The following PLEKHG2 variants were observed in gnomAD, a reference collection of about 807,000 sequenced individuals.
PLEKHG2 encodes pleckstrin homology and RhoGEF domain containing G2.
Under a neutral mutation model 104.4 loss-of-function variants are expected in PLEKHG2, and 71 were observed. The observed-to-expected ratio is 0.68, with a 90% confidence interval of 0.56 to 0.83. The LOEUF (loss-of-function observed/expected upper bound fraction) is 0.83, where lower values mean the gene tolerates loss of function less well. PLEKHG2 is among the 40% of genes least tolerant of loss of function. The pLI is 0.00. For missense variants in PLEKHG2, 1,730 were observed against 1,809.4 expected (o/e 0.96, Z 0.80); for synonymous variants, 728 against 737.0 (o/e 0.99, Z 0.20).
chr19:39,413,058 C>T lies in PLEKHG2; in HGVS notation c.-377C>T, dbSNP rs1305587686. On this transcript the variant is annotated 5_prime_UTR_variant, in exon 1 of 19. Coordinates refer to ENST00000425673, the MANE Select transcript of PLEKHG2 (RefSeq NM_022835.3). The surrounding 1 kb of genome is among the most constrained non-coding windows in gnomAD (Gnocchi z 4.5). ...GCCATCGCTTCAAGGGGACCCAGGACTTTGGGACCCCCCTGTGCTCCCACC... is the reference window on the plus strand; with the variant it reads ...GCCATCGCTTCAAGGGGACCCAGGATTTTGGGACCCCCCTGTGCTCCCACC... The T allele has an allele frequency of 6.6e-6, 1 of 152,216 alleles. No individual in the cohort carries two copies. The highest frequency in any genetic ancestry group is 1.5e-5 in the Non-Finnish European group (1 of 68,048). The allele number at this position is 152,216 out of a possible 1,614,324, so 9.4% of individuals were successfully genotyped here. A position where few individuals can be genotyped will look rare whatever the true frequency, so the allele number is the denominator to read the frequency against.
In PLEKHG2 at chr19:39,427,326, T is replaced by C. The variant is rs1266598206; in HGVS notation, c.*2032T>C. The C allele has an allele frequency of 1.5e-5, 2 of 137,090 alleles. No individual in the cohort carries two copies. The highest frequency in any genetic ancestry group is 5.8e-5 in the African/African-American group (2 of 34,284). The allele number at this position is 137,090 out of a possible 1,614,324, so 8.5% of individuals were successfully genotyped here. On this transcript the variant is annotated 3_prime_UTR_variant, in exon 19 of 19. Transcript: ENST00000425673. The stretch of plus-strand genomic sequence containing the variant: ...ACAGGCGTGAGCCATCATTCCTGGC[T>C]GGGAATCCGAATTTTTTTTTTTTTT...
At chr19:39,414,723 G>A (rs1301307597) in intron 2 of PLEKHG2, among the ~76,000 whole-genome samples, 1 of 152,134 alleles carries the variant, frequency 6.6e-6, no homozygotes, top group Non-Finnish European at 1.5e-5. Context: ...TACACTCACG[G>A]GAGTAATACA....
At position 39,424,787 on chromosome 19, in the gene PLEKHG2, A is replaced by G; in HGVS notation, c.3654A>G (p.Gly1218=). 1 of 1,614,086 alleles carries G rather than the reference A, an allele frequency of 6.2e-7. No homozygotes were observed. The highest frequency in any genetic ancestry group is 8.5e-7 in the Non-Finnish European group (1 of 1,179,986). Residue 1218 remains glycine (G), a synonymous_variant, in exon 19 of 19, where the codon GGA becomes GGG. Transcript: ENST00000425673. ...CTGCCACACCTTTACCTGAGAGAGG[A>G]GGCTCTCTAGACATTCAGGGCCTCT... ...VPAATPLPER[G]GSLDIQGLSP...
intron 2 of PLEKHG2, 98 bp from the exon 3 acceptor site, chr19:39,414,894 G>T: frequency 7.3e-7 from 1 of 1,361,498 alleles, no homozygotes; most frequent in Non-Finnish European, 9.9e-7. Context: ...GAAAGCTGTT[G>T]GACAGGTGTG....
rs2078589063 is a variant in PLEKHG2 at position 39,415,489 on chromosome 19, A to G, written c.479+50A>G. 1.9e-6 allele frequency: 3 copies of G among 1,595,726 alleles called. No individual in the cohort carries two copies. The highest frequency in any genetic ancestry group is 2.6e-6 in the Non-Finnish European group (3 of 1,167,156). On this transcript the variant is annotated intron_variant, in intron 4 of 18. Coordinates refer to ENST00000425673, the MANE Select transcript of PLEKHG2 (RefSeq NM_022835.3). The surrounding 1 kb of genome is among the most constrained non-coding windows in gnomAD (Gnocchi z 4.6). ...GGGGCATTGATTGGTTGGAGGGTCT[A>G]TTTCCTAATCCAAACCTCGGAGCTT...
Position 39,423,549 on chromosome 19 carries a change from A to G in PLEKHG2, c.2495A>G (p.Gln832Arg). 1 of 1,545,722 alleles carries G rather than the reference A, an allele frequency of 6.5e-7. No homozygotes were observed. Among genetic ancestry groups the G allele is most frequent in the Non-Finnish European group, 8.7e-7 (1 of 1,145,098 alleles). ...RLYSERIQQM[Q>R]RAETRASANA... Reference sequence around the variant, plus strand: ...TACAGCGAGCGGATCCAGCAGATGCAGCGGGCGGAGACTCGGGCATCAGCC... The same window carrying G: ...TACAGCGAGCGGATCCAGCAGATGCGGCGGGCGGAGACTCGGGCATCAGCC... The change falls in exon 18 of 19, where the codon CAG (glutamine) becomes CGG (arginine). Residue 832 changes from glutamine to arginine, a missense_variant. By Grantham distance (43) the Gln-to-Arg change is conservative. Transcript: ENST00000425673.
chr19:39,424,598 C>T lies in PLEKHG2; in HGVS notation c.3465C>T (p.Ile1155=). The change falls in exon 19 of 19, where the codon ATC becomes ATT. Residue 1155 remains isoleucine, a synonymous_variant. Transcript: ENST00000425673. The part of the protein sequence containing the change: ...PLPLPQVLTD[I]WVQALPTSPK... ...CCCTGCCACAAGTCCTCACAGACAT[C>T]TGGGTCCAAGCCCTCCCAACTTCAC... The T allele has an allele frequency of 6.2e-7, 1 of 1,614,186 alleles. No homozygotes were observed. Among genetic ancestry groups the T allele is most frequent in the African/African-American group, 1.3e-5 (1 of 75,036 alleles).
rs757064267 is a variant in PLEKHG2, at chr19:39,418,003, C to T, written c.981C>T (p.Gly327=). 15 of 1,553,148 alleles carry T rather than the reference C, an allele frequency of 9.7e-6. No homozygotes were observed. Among genetic ancestry groups the T allele is most frequent in the Non-Finnish European group, 1.3e-5 (15 of 1,151,764 alleles). Residue 327 remains glycine, a synonymous_variant, in exon 9 of 19, where the codon GGC becomes GGT. Transcript: ENST00000425673. ...CGTTCCGAGGAGGCGGAGGGGGTGGCCCCCGGCTACGAGGGGGTGAGCGGC... is the reference window on the plus strand; with the variant it reads ...CGTTCCGAGGAGGCGGAGGGGGTGGTCCCCGGCTACGAGGGGGTGAGCGGC... The part of the protein sequence containing the change: ...EGAFRGGGGG[G]PRLRGGERLL...
Position 39,414,065 on chromosome 19 carries a change from G to A in PLEKHG2, c.-22G>A, listed in dbSNP as rs1308852352. ...ATCCAAGAAGGGGCTCTTTCTGCAG[G>A]ACTCTGCTGGGCCGCTCAGCCATGC... On this transcript the variant is annotated splice_region_variant and 5_prime_UTR_variant, in exon 2 of 19. Transcript: ENST00000425673. The A allele has an allele frequency of 3.9e-6, 6 of 1,546,428 alleles. No individual in the cohort carries two copies. In the African/African-American group the frequency reaches 8.2e-5, roughly 21 times the overall value.
chr19:39,414,881 T>A, intron 2 of PLEKHG2, 111 bp from the exon 3 acceptor site: 1 of 1,269,802 alleles, frequency 7.9e-7, no homozygotes, highest in Non-Finnish European at 1.1e-6. Flanking sequence ...AAGGAGCCTG[T>A]GGGAAAGCTG....
In PLEKHG2 at chr19:39,416,387, G is replaced by A. The variant is rs1009889282; in HGVS notation, c.519G>A (p.Gly173=). 9.9e-6 allele frequency: 16 copies of A among 1,613,282 alleles called. No individual in the cohort carries two copies. Among genetic ancestry groups the A allele is most frequent in the Non-Finnish European group, 1.4e-5 (16 of 1,179,820 alleles). Residue 173 remains glycine, a synonymous_variant, in exon 5 of 19, where the codon GGG becomes GGA. Transcript: ENST00000425673. This position sits in a 1 kb window ranked among gnomAD's most constrained non-coding sequence, Gnocchi z 4.5. The part of the protein sequence containing the change: ...LEDLENSSSA[G]GIAECFVQRS... ...ACTTGGAGAACAGCAGCAGCGCCGG[G>A]GGTATTGCCGAGTGCTTCGTGCAGA...
rs557254350 is a variant in PLEKHG2 at position 39,425,091 on chromosome 19, C to A, written c.3958C>A (p.Pro1320Thr). The A allele has an allele frequency of 5.8e-5, 91 of 1,580,706 alleles. 5 individuals carry two copies. The South Asian group carries it at 8.7e-4, about 15-fold the overall frequency. The part of the protein sequence containing the change: ...SAPTSRASSP[P>T]PQPQPPPPPA... ...TCCCACGTCACGGGCATCTTCGCCG[C>A]CCCCCCAGCCCCAGCCACCACCTCC... is the stretch of plus-strand genomic sequence containing the variant. The change falls in exon 19 of 19, where the codon CCC becomes ACC. Residue 1320 changes from proline to threonine, a missense_variant. Physicochemically the swap from Pro to Thr is conservative, Grantham distance 38 (BLOSUM62 -1). Transcript: ENST00000425673.
chr19:39,424,783 G>C lies in PLEKHG2; in HGVS notation c.3650G>C (p.Arg1217Thr), dbSNP rs370533120. The C allele has an allele frequency of 3.7e-6, 6 of 1,614,084 alleles. No individual in the cohort carries two copies. Among genetic ancestry groups the C allele is most frequent in the East Asian group, 2.2e-5 (1 of 44,894 alleles). ...CCAGCTGCCACACCTTTACCTGAGA[G>C]AGGAGGCTCTCTAGACATTCAGGGC... ...HVPAATPLPE[R>T]GGSLDIQGLS... The change falls in exon 19 of 19, where the codon AGA becomes ACA. Residue 1217 changes from arginine (R) to threonine (T), a missense_variant. Transcript: ENST00000425673.
rs1837665733 is a variant in PLEKHG2 at position 39,413,504 on chromosome 19, G to A, written c.-23+92G>A. The A allele has an allele frequency of 6.6e-6, 1 of 152,070 alleles. No homozygotes were observed. The highest frequency in any genetic ancestry group is 1.5e-5 in the Non-Finnish European group (1 of 68,034). 9.4% of individuals were successfully genotyped at this position (152,070 alleles called of 1,614,324 possible). ...GGGGCGTGCCGGCGGGGGGCGAGCC[G>A]AGGCGCCGGCGGGAGTTGGGGGCTG... On this transcript the variant is annotated intron_variant, in intron 1 of 18. Coordinates refer to ENST00000425673, the MANE Select transcript of PLEKHG2 (RefSeq NM_022835.3). This position sits in a 1 kb window ranked among gnomAD's most constrained non-coding sequence, Gnocchi z 4.5.
At position 39,416,502 on chromosome 19, in the gene PLEKHG2, C is replaced by T. The variant is rs765590948; in HGVS notation, c.547-49C>T. On this transcript the variant is annotated intron_variant, in intron 5 of 18. Coordinates refer to ENST00000425673, the MANE Select transcript of PLEKHG2 (RefSeq NM_022835.3). The surrounding 1 kb of genome is among the most constrained non-coding windows in gnomAD (Gnocchi z 4.5). ...GCTTGGGCTAGGCTGGAAGGGGGGTCGTGGGAAGCCAGGACCTGGGGTCTC... is the reference window on the plus strand; with the variant it reads ...GCTTGGGCTAGGCTGGAAGGGGGGTTGTGGGAAGCCAGGACCTGGGGTCTC... 1.9e-6 allele frequency: 3 copies of T among 1,612,218 alleles called. No homozygotes were observed. The highest frequency in any genetic ancestry group is 2.5e-6 in the Non-Finnish European group (3 of 1,179,092).
At position 39,425,386 on chromosome 19, in the gene PLEKHG2, G is replaced by C. The variant is rs1166081515; in HGVS notation, c.*92G>C. On this transcript the variant is annotated 3_prime_UTR_variant, in exon 19 of 19. Coordinates refer to ENST00000425673, the MANE Select transcript of PLEKHG2 (RefSeq NM_022835.3). ...CTGGAAGTCCAGACACTGAACGCAG[G>C]CCTCAAAACTGCTGCGGCCTTCCAA... 3 of 1,488,674 alleles carry C rather than the reference G, an allele frequency of 2.0e-6. No homozygotes were observed. The highest frequency in any genetic ancestry group is 2.7e-6 in the Non-Finnish European group (3 of 1,121,894). 92.2% of individuals were successfully genotyped at this position (1,488,674 alleles called of 1,614,324 possible).
At position 39,420,975 on chromosome 19, in the gene PLEKHG2, C is replaced by G; in HGVS notation, c.1426C>G (p.Arg476Gly). Reference sequence around the variant, plus strand: ...TCCATCTCCTGGGCCCTCTGTGATTCGCCGAGGCCGCAGGCAGTCTGGTGA... The same window carrying G: ...TCCATCTCCTGGGCCCTCTGTGATTGGCCGAGGCCGCAGGCAGTCTGGTGA... ...TAPSPGPSVI[R>G]RGRRQSEPVK... Residue 476 changes from arginine to glycine, a missense_variant, in exon 14 of 19, where the codon CGC becomes GGC. By Grantham distance (125) the Arg-to-Gly change is moderately radical (BLOSUM62 -2). Transcript: ENST00000425673. 6.2e-7 allele frequency: 1 copy of G among 1,614,022 alleles called. No homozygotes were observed. Among genetic ancestry groups the G allele is most frequent in the Non-Finnish European group, 8.5e-7 (1 of 1,180,022 alleles).
chr19:39,424,168 C>A lies in PLEKHG2; in HGVS notation c.3035C>A (p.Ala1012Glu), dbSNP rs766958827. Residue 1012 changes from alanine (A) to glutamate (E), a missense_variant, in exon 19 of 19, where the codon GCG (alanine) becomes GAG (glutamate). Transcript: ENST00000425673. Reference sequence around the variant, plus strand: ...TTTTGTCCTGAGCAGGGACACTGTGCGGACATCCACGTTCCCACCACTCCA... The same window carrying A: ...TTTTGTCCTGAGCAGGGACACTGTGAGGACATCCACGTTCCCACCACTCCA... ...TAFCPEQGHC[A>E]DIHVPTTPAL... 6.2e-7 allele frequency: 1 copy of A among 1,614,132 alleles called. No individual in the cohort carries two copies. Among genetic ancestry groups the A allele is most frequent in the South Asian group, 1.1e-5 (1 of 91,078 alleles).
In PLEKHG2 at chr19:39,415,763, AG is replaced by A. The variant is rs1370621290; in HGVS notation, c.479+327del. Among the ~76,000 whole-genome samples, 1 of 152,150 alleles carries A rather than the reference AG, an allele frequency of 6.6e-6. No homozygotes were observed. Among genetic ancestry groups the A allele is most frequent in the African/African-American group, 2.4e-5 (1 of 41,424 alleles). On this transcript the variant is annotated intron_variant, in intron 4 of 18. Coordinates refer to ENST00000425673, the MANE Select transcript of PLEKHG2 (RefSeq NM_022835.3). This position sits in a 1 kb window ranked among gnomAD's most constrained non-coding sequence, Gnocchi z 4.6. ...CTGGATGAAGCCCAAACACTGGGAC[AG>A]GGTCCCGGCATCAGGACGAGTCCTT...
Sources: gnomAD v4.1 joint callset for allele counts (sites outside exome capture counted in the v4.1 genomes callset) on GRCh38, gnomAD v4.1.1 for gene constraint, Gnocchi (gnomAD v3.1) non-coding constraint, MANE v1.5 for transcripts, NCBI Gene and HGNC (gene_info 2026-07-23, HGNC 2026-07-21) for gene names.